The following LTBP1 variants were observed in gnomAD, a reference collection of about 807,000 sequenced individuals.
LTBP1 encodes latent-transforming growth factor beta-binding protein 1.
Under a neutral mutation model 207.6 loss-of-function variants are expected in LTBP1, and 129 were observed. The observed-to-expected ratio is 0.62, with a 90% confidence interval of 0.54 to 0.72. LTBP1 has a LOEUF of 0.72. Ranked by LOEUF, LTBP1 falls within the 30% of genes least tolerant of loss-of-function variation. The pLI is 0.00. For synonymous variants in LTBP1, 963 were observed against 833.7 expected, an observed-to-expected ratio of 1.16 and a Z score of -2.67; for missense variants, 2,281 against 2,217.2, an observed-to-expected ratio of 1.03 and a Z score of -0.58.
intron 24 of LTBP1, among the ~76,000 whole-genome samples, chr2:33,327,778 A>G (rs2094445674): frequency 6.6e-6 from 1 of 152,164 alleles, no homozygotes; most frequent in African/African-American, 2.4e-5. Flanking sequence ...GAGAGTCTCT[A>G]ACCAGGAAAT....
rs190251786 is a variant in LTBP1, at chr2:33,311,341, T to C, written c.3604+1785T>C. On this transcript the variant is annotated intron_variant, in intron 23 of 33. Coordinates refer to ENST00000404816, the MANE Select transcript of LTBP1 (RefSeq NM_206943.4). ...AATATACCATGTACCTCATTTGAGATCATGTATTTATTTGCCATCCTCATG... is the reference window on the plus strand; with the variant it reads ...AATATACCATGTACCTCATTTGAGACCATGTATTTATTTGCCATCCTCATG... Among the ~76,000 whole-genome samples, 626 of 152,322 alleles carry C rather than the reference T, an allele frequency of 4.1e-3. 6 individuals are homozygous for C. Among genetic ancestry groups the C allele is most frequent in the African/African-American group, 0.014 (602 of 41,568 alleles).
intron 28 of LTBP1, among the ~76,000 whole-genome samples, chr2:33,362,301 T>C (rs1470930906): frequency 6.6e-6 from 1 of 152,088 alleles, no homozygotes; most frequent in East Asian, 1.9e-4. Flanking sequence ...AATAATATGG[T>C]ATAATTCAGT....
rs74261874 is a variant in LTBP1, at chr2:33,156,723, A to C, written c.1201+21763A>C. 3.4e-4 allele frequency among the ~76,000 whole-genome samples: 52 copies of C among 152,136 alleles called. No homozygotes were observed. The East Asian group carries it at 4.1e-3, about 12-fold the overall frequency. ...ATATATAACAATTGAACATATTTTA[A>C]CATATTATAAAATAGAAGACATTGG... On this transcript the variant is annotated intron_variant, in intron 5 of 33. Transcript: ENST00000404816.
intron 3 of LTBP1, among the ~76,000 whole-genome samples, chr2:33,040,452 G>A (rs2076127617): frequency 6.6e-6 from 1 of 152,200 alleles, no homozygotes. Flanking sequence ...AATGAGAGGA[G>A]CTTTGCAGCA....
chr2:33,202,294 G>A (rs545744370), intron 7 of LTBP1, among the ~76,000 whole-genome samples: 3 of 152,262 alleles, frequency 2.0e-5, no homozygotes, highest in Non-Finnish European at 4.4e-5. Flanking sequence ...TAAGAAGCTG[G>A]GGAAATAGAT....
intron 1 of LTBP1, 88 bp downstream of exon 1, chr2:32,947,906 C>G: frequency 8.5e-7 from 1 of 1,174,222 alleles, no homozygotes; most frequent in Non-Finnish European, 1.1e-6. Flanking sequence ...CTCGGAGCCC[C>G]GCGGTGGCCA....
intron 17 of LTBP1, 78 bp downstream of exon 17, chr2:33,275,168 G>A: frequency 1.3e-6 from 2 of 1,532,534 alleles, no homozygotes; most frequent in South Asian, 1.2e-5. Flanking sequence ...TCAGTTCAGT[G>A]CTTATCCAGA....
At position 33,398,348 on chromosome 2, in the gene LTBP1, G is replaced by C. The variant is rs1453142083; in HGVS notation, c.4985-16G>C. 1 of 1,609,836 alleles carries C rather than the reference G, an allele frequency of 6.2e-7. No individual in the cohort carries two copies. The highest frequency in any genetic ancestry group is 1.7e-5 in the Admixed American group (1 of 59,790). On this transcript the variant is annotated splice_polypyrimidine_tract_variant and intron_variant, in intron 33 of 33. Transcript: ENST00000404816. Reference sequence around the variant, plus strand: ...ATATCCAAGATTGTTTACCTGCATGGCTTGACTTATTGCAGATGTAAATGA... The same window carrying C: ...ATATCCAAGATTGTTTACCTGCATGCCTTGACTTATTGCAGATGTAAATGA...
chr2:33,354,860 C>T (rs1479085021), intron 26 of LTBP1, among the ~76,000 whole-genome samples: 1 of 152,154 alleles, frequency 6.6e-6, no homozygotes, highest in Non-Finnish European at 1.5e-5. Flanking sequence ...CCCACCTCAG[C>T]CTCCTGAGTA....
intron 2 of LTBP1, among the ~76,000 whole-genome samples, chr2:32,981,445 T>G (rs941386173): frequency 2.4e-4 from 36 of 152,244 alleles, no homozygotes; most frequent in Non-Finnish European, 5.9e-5. Flanking sequence ...ATCTCACTTT[T>G]GCTTTGTTAC....
intron 5 of LTBP1, among the ~76,000 whole-genome samples, chr2:33,137,773 CTT>C (rs2082265663): frequency 6.6e-6 from 1 of 152,164 alleles, no homozygotes; most frequent in Non-Finnish European, 1.5e-5. Context: ...AATACGGAAA[CTT>C]AGGTTCAGAG....
At chr2:33,282,493 T>C (rs1346195590) in intron 19 of LTBP1, among the ~76,000 whole-genome samples, 1 of 152,226 alleles carries the variant, frequency 6.6e-6, no homozygotes, top group Non-Finnish European at 1.5e-5. Context: ...AGAAGTTGAC[T>C]GTGACAAAAA....
chr2:32,974,145 G>C (rs1443991841), intron 2 of LTBP1, among the ~76,000 whole-genome samples: 3 of 152,146 alleles, frequency 2.0e-5, no homozygotes, highest in Admixed American at 6.5e-5. Flanking sequence ...TCATATGGTA[G>C]CTCAATTTTT....
At chr2:33,190,176 C>T (rs114282564) in intron 7 of LTBP1, among the ~76,000 whole-genome samples, 427 of 152,238 alleles carry the variant, frequency 2.8e-3, no homozygotes, top group South Asian at 6.2e-3. Context: ...CGAAGACAAC[C>T]TAAAAGCGTT....
At chr2:33,380,673 A>G (rs2095202554) in intron 31 of LTBP1, among the ~76,000 whole-genome samples, 1 of 152,184 alleles carries the variant, frequency 6.6e-6, no homozygotes, top group African/African-American at 2.4e-5. Context: ...AGTTAAAGTT[A>G]GTTGAATTCC....
intron 9 of LTBP1, among the ~76,000 whole-genome samples, chr2:33,239,063 A>ATTTTAGAAGAAGAGCAG: frequency 6.6e-6 from 1 of 152,310 alleles, no homozygotes; most frequent in East Asian, 1.9e-4. Context: ...ATATTTGACC[A>ATTTTAGAAGAAGAGCAG]TTTTAGAAGA....
intron 11 of LTBP1, among the ~76,000 whole-genome samples, chr2:33,253,948 T>C (rs1460797877): frequency 1.3e-5 from 2 of 149,622 alleles, no homozygotes; most frequent in African/African-American, 4.9e-5. Flanking sequence ...GGAGTGCAGT[T>C]GTGTGATCTT....
rs1438304858 is a variant in LTBP1, at chr2:32,947,578, G to T, written c.254G>T (p.Arg85Leu). 16 of 1,324,086 alleles carry T rather than the reference G, an allele frequency of 1.2e-5. No individual in the cohort carries two copies. Among genetic ancestry groups the T allele is most frequent in the Non-Finnish European group, 1.5e-5 (16 of 1,041,306 alleles). 82.0% of individuals were successfully genotyped at this position (1,324,086 alleles called of 1,614,324 possible). ...CCCGGGGTCCCCTCGGAGAGGACCC[G>T]GCGCACGAGCAAGCCGGGCGGCGCG... ...ASPGVPSERT[R>L]RTSKPGGAAL... is the part of the protein sequence containing the mutation. Residue 85 changes from arginine (R) to leucine (L), a missense_variant, in exon 1 of 34, where the codon CGG (arginine) becomes CTG (leucine). By Grantham distance (102) the Arg-to-Leu change is moderately radical. Transcript: ENST00000404816.
chr2:33,182,246 G>T (rs576753421), intron 5 of LTBP1, among the ~76,000 whole-genome samples: 13 of 152,144 alleles, frequency 8.5e-5, no homozygotes, highest in African/African-American at 3.1e-4. Flanking sequence ...ACTGTGTGGA[G>T]GTTATCTCAG....
Sources: allele counts gnomAD v4.1 joint callset (sites outside exome capture counted in the v4.1 genomes callset), GRCh38; gene constraint gnomAD v4.1.1; transcripts MANE v1.5; gene names NCBI Gene and HGNC (gene_info 2026-07-23, HGNC 2026-07-21).